GRIN3A: variants seen among roughly 807,000 people sequenced by gnomAD.
GRIN3A encodes the protein glutamate receptor ionotropic, NMDA 3A.
In GRIN3A, 47 loss-of-function variants were observed where a neutral mutation model predicts 92.4. The ratio of observed to expected loss-of-function variants is 0.51; its 90% CI spans 0.40 to 0.65. The LOEUF (loss-of-function observed/expected upper bound fraction) is 0.65, where lower values mean the gene tolerates loss of function less well. GRIN3A is among the 30% of genes least tolerant of loss of function. The pLI is 0.00. For synonymous variants in GRIN3A, 527 were observed against 540.6 expected, an observed-to-expected ratio of 0.97 and a Z score of 0.35; for missense variants, 1,324 against 1,393.1, an observed-to-expected ratio of 0.95 and a Z score of 0.79.
intron 1 of GRIN3A, among the ~76,000 whole-genome samples, chr9:101,723,336 C>G (rs569382635): frequency 6.6e-6 from 1 of 151,924 alleles, no homozygotes. Context: ...TGTTACAGCT[C>G]TTAAGGCAGC....
At chr9:101,716,810 T>C (rs1388628111) in intron 1 of GRIN3A, among the ~76,000 whole-genome samples, 4 of 152,214 alleles carry the variant, frequency 2.6e-5, no homozygotes, top group Admixed American at 1.3e-4. Flanking sequence ...AGTTTGTTTT[T>C]TAAAAAGTGA....
intron 6 of GRIN3A, among the ~76,000 whole-genome samples, chr9:101,588,111 GT>G (rs980668010): frequency 1.1e-4 from 17 of 152,166 alleles, no homozygotes; most frequent in African/African-American, 4.1e-4. Context: ...AGGTGAGAGA[GT>G]CTGGTTGAAG....
At chr9:101,596,331 G>C (rs1275676298) in intron 6 of GRIN3A, among the ~76,000 whole-genome samples, 2 of 152,042 alleles carry the variant, frequency 1.3e-5, no homozygotes, top group Non-Finnish European at 2.9e-5. Context: ...TTCCCAATTA[G>C]ACTGTTATAT....
chr9:101,737,001 G>A (rs1830215849), intron 1 of GRIN3A, among the ~76,000 whole-genome samples: 1 of 151,690 alleles, frequency 6.6e-6, no homozygotes, highest in Non-Finnish European at 1.5e-5. Flanking sequence ...TCTCCCAGCC[G>A]GTCAAAATAT....
chr9:101,608,184 A>T (rs1588246040), intron 6 of GRIN3A, among the ~76,000 whole-genome samples: 1 of 152,162 alleles, frequency 6.6e-6, no homozygotes, highest in East Asian at 1.9e-4. Flanking sequence ...CTCTACACAC[A>T]CTGATGTTAC....
At chr9:101,706,378 C>A (rs1829816277) in intron 1 of GRIN3A, among the ~76,000 whole-genome samples, 1 of 152,148 alleles carries the variant, frequency 6.6e-6, no homozygotes. Context: ...CATGGGTGGC[C>A]ATGGTCTGTC....
At chr9:101,703,165 A>G (rs1186844108) in intron 1 of GRIN3A, among the ~76,000 whole-genome samples, 1 of 152,182 alleles carries the variant, frequency 6.6e-6, no homozygotes, top group African/African-American at 2.4e-5. Context: ...AAAACACTTC[A>G]ATAGCTTCCT....
At chr9:101,617,791 T>G (rs1414686886) in intron 5 of GRIN3A, among the ~76,000 whole-genome samples, 1 of 116,812 alleles carries the variant, frequency 8.6e-6, no homozygotes, top group Non-Finnish European at 1.7e-5. Flanking sequence ...ATGTTATCCC[T>G]CCCCCCTCCC....
Position 101,577,815 on chromosome 9 carries a change from A to G in GRIN3A, c.2961T>C (p.Phe987=), listed in dbSNP as rs745706532. ...QRLHRAINTS[F]IEEKQQHFKT... is the part of the protein sequence containing the mutation. ...TGAAATGCTGCTGCTTTTCCTCTATAAATGATGTATTTATTGCTCTGTGTA... is the reference window on the plus strand; with the variant it reads ...TGAAATGCTGCTGCTTTTCCTCTATGAATGATGTATTTATTGCTCTGTGTA... The change falls in exon 8 of 9, where the codon TTT becomes TTC. Residue 987 remains phenylalanine (F), a synonymous_variant. Coordinates refer to ENST00000361820, the MANE Select transcript of GRIN3A (RefSeq NM_133445.3). The G allele has an allele frequency of 9.3e-6, 15 of 1,612,796 alleles. No homozygotes were observed. In the South Asian group the frequency reaches 1.6e-4, roughly 18 times the overall value.
At chr9:101,631,444 C>T (rs867535284) in intron 3 of GRIN3A, among the ~76,000 whole-genome samples, 3 of 152,150 alleles carry the variant, frequency 2.0e-5, no homozygotes, top group Non-Finnish European at 2.9e-5. Context: ...TCCAGAAATA[C>T]ATTCTTTACA....
At chr9:101,668,932 G>A (rs982876672) in intron 3 of GRIN3A, among the ~76,000 whole-genome samples, 1 of 152,140 alleles carries the variant, frequency 6.6e-6, no homozygotes, top group Non-Finnish European at 1.5e-5. Context: ...ATGTTTAATA[G>A]TAACTTATAG....
chr9:101,670,508 T>C lies in GRIN3A; in HGVS notation c.1904A>G (p.Asn635Ser). The change falls in exon 3 of 9, where the codon AAT (asparagine) becomes AGT (serine). Residue 635 changes from asparagine to serine, a missense_variant. Asn to Ser is a conservative substitution (Grantham distance 46, BLOSUM62 1). Transcript: ENST00000361820. ...ATCTATCACCTGGCTCCGTGCAGTA[T>C]TGATGCTAAAGGAAGTGACTGCCAT... ...AHMAVTSFSI[N>S]TARSQVIDFT... The C allele has an allele frequency of 1.9e-6, 3 of 1,613,988 alleles. No homozygotes were observed. Among genetic ancestry groups the C allele is most frequent in the Middle Eastern group, 1.6e-4 (1 of 6,062 alleles).
intron 1 of GRIN3A, among the ~76,000 whole-genome samples, chr9:101,727,535 G>A (rs1830094927): frequency 6.6e-6 from 1 of 152,060 alleles, no homozygotes; most frequent in Admixed American, 6.6e-5. Flanking sequence ...AAGAATTAAT[G>A]ACTCTACATT....
At chr9:101,626,214 A>G (rs889962669) in intron 4 of GRIN3A, among the ~76,000 whole-genome samples, 3 of 152,224 alleles carry the variant, frequency 2.0e-5, no homozygotes, top group Non-Finnish European at 2.9e-5. Context: ...TTAAAAATAC[A>G]TATCACACAT....
chr9:101,687,814 C>A (rs1041330160), intron 1 of GRIN3A, among the ~76,000 whole-genome samples: 9 of 152,168 alleles, frequency 5.9e-5, no homozygotes, highest in South Asian at 2.1e-4. Flanking sequence ...TCTGTATCTT[C>A]TGAACCTGGA....
chr9:101,645,318 C>T lies in GRIN3A; in HGVS notation c.2353-16917G>A, dbSNP rs568475001. Among the ~76,000 whole-genome samples the T allele has an allele frequency of 5.9e-5, 9 of 151,674 alleles. No homozygotes were observed. In the South Asian group the frequency reaches 1.0e-3, roughly 17 times the overall value. ...ACCTCCAGTTCCATCAGTTTTGCTG[C>T]GAATGACAAGTTCTTTTTATGGCTG... On this transcript the variant is annotated intron_variant, in intron 3 of 8. Transcript: ENST00000361820.
At chr9:101,596,072 G>A (rs1465672256) in intron 6 of GRIN3A, among the ~76,000 whole-genome samples, 1 of 152,174 alleles carries the variant, frequency 6.6e-6, no homozygotes, top group Non-Finnish European at 1.5e-5. Context: ...GGGACTTGGG[G>A]GAACCTCAGG....
chr9:101,722,399 G>A (rs1269425843), intron 1 of GRIN3A, among the ~76,000 whole-genome samples: 1 of 152,228 alleles, frequency 6.6e-6, no homozygotes, highest in East Asian at 1.9e-4. Flanking sequence ...TGGGGTCGGA[G>A]CCCCCACAGA....
At chr9:101,684,869 C>T (rs1829511500) in intron 2 of GRIN3A, among the ~76,000 whole-genome samples, 1 of 152,168 alleles carries the variant, frequency 6.6e-6, no homozygotes, top group African/African-American at 2.4e-5. Context: ...CCTTCCAAAA[C>T]AATGACTATT....
Sources: gnomAD v4.1 joint callset for allele counts (sites outside exome capture counted in the v4.1 genomes callset) on GRCh38, gnomAD v4.1.1 for gene constraint, MANE v1.5 for transcripts, NCBI Gene and HGNC (gene_info 2026-07-23, HGNC 2026-07-21) for gene names.